Variants in NKAIN2 observed in about 807,000 individuals in gnomAD.
NKAIN2 encodes the protein sodium/potassium transporting ATPase interacting 2, also known as sodium/potassium-transporting ATPase subunit beta-1-interacting protein 2.
A neutral mutation model predicts 32.6 loss-of-function variants in NKAIN2; 14 were observed. The ratio of observed to expected loss-of-function variants is 0.43; its 90% CI spans 0.28 to 0.67. The LOEUF (loss-of-function observed/expected upper bound fraction) is 0.67. NKAIN2 is among the 30% of genes least tolerant of loss of function. The pLI is 0.17. For missense variants in NKAIN2, 198 were observed against 258.3 expected, an observed-to-expected ratio of 0.77 and a Z score of 1.60; for synonymous variants, 80 against 87.2, an observed-to-expected ratio of 0.92 and a Z score of 0.46.
chr6:124,185,867 AAC>A lies in NKAIN2; in HGVS notation c.55-97136_55-97135del, dbSNP rs201014046. Reference sequence around the variant, plus strand: ...TACCAACATCAAATAATTTAGGGGAAACATGTGGAAATGGAAATGACTAACAT... The same window carrying A: ...TACCAACATCAAATAATTTAGGGGAAATGTGGAAATGGAAATGACTAACAT... On this transcript the variant is annotated intron_variant, in intron 1 of 6. Transcript: ENST00000368417. Among the ~76,000 whole-genome samples, 501 of 94,110 alleles carry A rather than the reference AAC, an allele frequency of 5.3e-3. 3 individuals are homozygous for A. Among genetic ancestry groups the A allele is most frequent in the Non-Finnish European group, 0.011 (352 of 32,434 alleles). 61.7% of individuals were successfully genotyped at this position (94,110 alleles called of 152,430 possible).
At chr6:123,841,857 G>A (rs1310116288) in intron 1 of NKAIN2, among the ~76,000 whole-genome samples, 2 of 152,190 alleles carry the variant, frequency 1.3e-5, no homozygotes, top group African/African-American at 4.8e-5. Context: ...TCTTGGATCA[G>A]TTATTGTATA....
rs1779360831 is a variant in NKAIN2 at position 124,527,442 on chromosome 6, T to C, written c.274-130744T>C. Among the ~76,000 whole-genome samples the C allele has an allele frequency of 1.3e-5, 2 of 152,246 alleles. 1 individual carries two copies. Among genetic ancestry groups the C allele is most frequent in the South Asian group, 4.1e-4 (2 of 4,836 alleles). On this transcript the variant is annotated intron_variant, in intron 3 of 6. Coordinates refer to ENST00000368417, the MANE Select transcript of NKAIN2 (RefSeq NM_001040214.3). ...TTTCTGAACATCTCTAAATAATAAA[T>C]ATTTCTGAACGTGTATCATTAATAT...
At chr6:124,105,622 A>C (rs1429756294) in intron 1 of NKAIN2, among the ~76,000 whole-genome samples, 2 of 152,202 alleles carry the variant, frequency 1.3e-5, no homozygotes, top group Non-Finnish European at 2.9e-5. Context: ...TTTTATAAAA[A>C]GATGGATTTA....
intron 1 of NKAIN2, among the ~76,000 whole-genome samples, chr6:123,948,337 A>G (rs1777163567): frequency 1.3e-5 from 2 of 152,034 alleles, no homozygotes; most frequent in South Asian, 2.1e-4. Flanking sequence ...TTTTTGAGAA[A>G]TTTCCATACT....
intron 1 of NKAIN2, among the ~76,000 whole-genome samples, chr6:123,967,136 A>G (rs1562282366): frequency 1.3e-5 from 2 of 152,212 alleles, no homozygotes; most frequent in Non-Finnish European, 2.9e-5. Context: ...CTATGTTTCT[A>G]GAAGCACTGG....
At chr6:123,951,169 T>C (rs1480934035) in intron 1 of NKAIN2, among the ~76,000 whole-genome samples, 1 of 152,070 alleles carries the variant, frequency 6.6e-6, no homozygotes, top group Non-Finnish European at 1.5e-5. Flanking sequence ...AGAATTGTTC[T>C]GTGGCTTAAC....
intron 3 of NKAIN2, among the ~76,000 whole-genome samples, chr6:124,417,072 C>T (rs1335068427): frequency 2.0e-5 from 3 of 152,102 alleles, no homozygotes; most frequent in Admixed American, 6.5e-5. Context: ...AAAGAAATCA[C>T]TTAGCATATT....
At chr6:124,768,302 C>A (rs1373475302) in intron 4 of NKAIN2, among the ~76,000 whole-genome samples, 1 of 152,132 alleles carries the variant, frequency 6.6e-6, no homozygotes, top group Non-Finnish European at 1.5e-5. Context: ...CTATATCCAA[C>A]CTTATTGCAA....
At chr6:124,432,614 T>G (rs1031027989) in intron 3 of NKAIN2, among the ~76,000 whole-genome samples, 1 of 152,042 alleles carries the variant, frequency 6.6e-6, no homozygotes, top group Admixed American at 6.6e-5. Context: ...CTCAAAAATC[T>G]AAACAAATAA....
chr6:123,912,885 C>A (rs372611402), intron 1 of NKAIN2, among the ~76,000 whole-genome samples: 1 of 139,014 alleles, frequency 7.2e-6, no homozygotes, highest in East Asian at 2.1e-4. Flanking sequence ...ATTGCAAATT[C>A]TATTAAAGAA....
chr6:124,269,017 G>A (rs564011461), intron 1 of NKAIN2, among the ~76,000 whole-genome samples: 1 of 152,270 alleles, frequency 6.6e-6, no homozygotes, highest in South Asian at 2.1e-4. Context: ...TGTAAAATAT[G>A]TGCACAGATA....
intron 1 of NKAIN2, among the ~76,000 whole-genome samples, chr6:123,832,906 T>G (rs1329374728): frequency 2.0e-5 from 3 of 152,250 alleles, no homozygotes; most frequent in African/African-American, 7.2e-5. Context: ...CAAATATTGT[T>G]GCCCAGTCTT....
intron 1 of NKAIN2, among the ~76,000 whole-genome samples, chr6:124,033,032 T>G (rs73770306): frequency 0.014 from 2,113 of 152,186 alleles, 46 homozygotes; most frequent in African/African-American, 0.049. Context: ...CTATTACTGG[T>G]AGGATAGACA....
chr6:124,476,067 T>TGA (rs1562208654), intron 3 of NKAIN2, among the ~76,000 whole-genome samples: 28 of 18,506 alleles, frequency 1.5e-3, no homozygotes, highest in African/African-American at 2.9e-3. Flanking sequence ...AGAGAGAGAG[T>TGA]GTGTGTGTGT....
At chr6:123,983,458 C>T (rs1442878887) in intron 1 of NKAIN2, among the ~76,000 whole-genome samples, 1 of 152,168 alleles carries the variant, frequency 6.6e-6, no homozygotes, top group Admixed American at 6.5e-5. Flanking sequence ...GACATCTGTG[C>T]AAGAGAAACA....
At chr6:124,752,992 C>T (rs1008090590) in intron 4 of NKAIN2, among the ~76,000 whole-genome samples, 3 of 152,056 alleles carry the variant, frequency 2.0e-5, no homozygotes, top group Non-Finnish European at 4.4e-5. Context: ...TGTGTTCAGG[C>T]ATAATTTTTA....
At chr6:124,616,429 TTTTC>T (rs1562285878) in intron 3 of NKAIN2, among the ~76,000 whole-genome samples, 190 of 143,356 alleles carry the variant, frequency 1.3e-3, no homozygotes, top group African/African-American at 4.8e-3. Flanking sequence ...TTTCTTTTTC[TTTTC>T]TTTCTTTTTT....
At chr6:124,092,646 C>T (rs1028854433) in intron 1 of NKAIN2, among the ~76,000 whole-genome samples, 5 of 151,924 alleles carry the variant, frequency 3.3e-5, no homozygotes, top group Non-Finnish European at 7.4e-5. Context: ...CTTTTGGTTT[C>T]AGTTTTTTTT....
intron 1 of NKAIN2, among the ~76,000 whole-genome samples, chr6:124,072,843 C>A (rs1783524245): frequency 6.6e-6 from 1 of 152,070 alleles, no homozygotes; most frequent in Admixed American, 6.6e-5. Context: ...TTTTGTTATT[C>A]ATTCATTTTT....
Sources: allele counts gnomAD v4.1 joint callset (sites outside exome capture counted in the v4.1 genomes callset), GRCh38; gene constraint gnomAD v4.1.1; transcripts MANE v1.5; gene names NCBI Gene and HGNC (gene_info 2026-07-23, HGNC 2026-07-21).